Variants in LGALS8 observed in about 807,000 individuals in gnomAD.
The protein encoded by LGALS8 is galectin 8.
In LGALS8, 30 loss-of-function variants were observed where a neutral mutation model predicts 35.9. The observed-to-expected ratio is 0.83, with a 90% CI of 0.62 to 1.13. The LOEUF (loss-of-function observed/expected upper bound fraction) is 1.13, where lower values mean the gene tolerates loss of function less well. Ranked by LOEUF, LGALS8 falls within the 50% of genes most tolerant of loss-of-function variation. LGALS8 has a pLI of 0.00. For synonymous variants in LGALS8, 138 were observed against 136.1 expected (o/e 1.01, Z -0.10); for missense variants, 366 against 388.7 (o/e 0.94, Z 0.49).
Position 236,548,044 on chromosome 1 carries a change from G to T in LGALS8, c.837G>T (p.Lys279Asn), listed in dbSNP as rs137985369. The change falls in exon 10 of 10, where the codon AAG becomes AAT. Residue 279 changes from lysine to asparagine, a missense_variant. By Grantham distance (94) the Lys-to-Asn change is moderately conservative (BLOSUM62 0). Coordinates refer to ENST00000366584, the MANE Select transcript of LGALS8 (RefSeq NM_201544.4). ...MIIYCDVREF[K>N]VAVNGVHSLE... Reference sequence around the variant, plus strand: ...TTTATTGTGATGTTAGAGAATTCAAGGTTGCAGTAAATGGCGTACACAGCC... The same window carrying T: ...TTTATTGTGATGTTAGAGAATTCAATGTTGCAGTAAATGGCGTACACAGCC... 1.1e-4 allele frequency: 180 copies of T among 1,612,018 alleles called. No individual in the cohort carries two copies. The African/African-American group carries it at 2.1e-3, about 19-fold the overall frequency.
chr1:236,538,751 T>C (rs887997722), intron 3 of LGALS8, 128 bp from the exon 4 acceptor site: 12 of 684,958 alleles, frequency 1.8e-5, no homozygotes, highest in African/African-American at 1.6e-4. Flanking sequence ...TTAGGCCTCA[T>C]AGTGAATGAA....
chr1:236,527,824 C>T (rs948755677), intron 2 of LGALS8, among the ~76,000 whole-genome samples: 1 of 151,914 alleles, frequency 6.6e-6, no homozygotes, highest in Non-Finnish European at 1.5e-5. Context: ...CAATTTCTGC[C>T]TCCCGGGTTC....
intron 2 of LGALS8, among the ~76,000 whole-genome samples, chr1:236,528,772 C>T (rs1205221280): frequency 6.6e-6 from 1 of 151,900 alleles, no homozygotes; most frequent in African/African-American, 2.4e-5. Flanking sequence ...CCTCCCGCCT[C>T]GGCCTCCCAA....
chr1:236,535,060 CAAAAAA>C (rs5781893), intron 2 of LGALS8, among the ~76,000 whole-genome samples: 1 of 64,900 alleles, frequency 1.5e-5, no homozygotes, highest in African/African-American at 6.3e-5. Flanking sequence ...GACTCTGTCT[CAAAAAA>C]AAAAAAAAAA....
chr1:236,541,594 A>AGGTT (rs377507503), intron 5 of LGALS8, 60 bp from the exon 6 acceptor site: 1 of 107,740 alleles, frequency 9.3e-6, no homozygotes, highest in East Asian at 1.1e-4. Flanking sequence ...GTCAATATAA[A>AGGTT]ATATTTAGAA....
chr1:236,523,482 G>A (rs1660616983), upstream of LGALS8: 1 of 157,494 alleles, frequency 6.3e-6, no homozygotes, highest in Non-Finnish European at 1.4e-5. Context: ...GAAAACCCTG[G>A]CGTTGACCCC....
In LGALS8 at chr1:236,547,995, G is replaced by GTT; in HGVS notation, c.805-16_805-15insTT. On this transcript the variant is annotated splice_polypyrimidine_tract_variant and intron_variant, in intron 9 of 9. Coordinates refer to ENST00000366584, the MANE Select transcript of LGALS8 (RefSeq NM_201544.4). ...AACTAAGGGGAACCACTAATGGCAT[G>GTT]TATCCTTTCCTTTCAGATGATAATT... 1 of 1,604,680 alleles carries GTT rather than the reference G, an allele frequency of 6.2e-7. No individual in the cohort carries two copies. Among genetic ancestry groups the GTT allele is most frequent in the Non-Finnish European group, 8.5e-7 (1 of 1,172,628 alleles).
upstream of LGALS8, among the ~76,000 whole-genome samples, chr1:236,522,355 G>A (rs904535332): frequency 6.6e-6 from 1 of 152,162 alleles, no homozygotes; most frequent in Non-Finnish European, 1.5e-5. Flanking sequence ...TGTAATTTCA[G>A]CATTGTGGGA....
At chr1:236,521,457 C>A (rs1190476140), upstream of LGALS8, among the ~76,000 whole-genome samples, 1 of 152,142 alleles carries the variant, frequency 6.6e-6, no homozygotes, top group Non-Finnish European at 1.5e-5. Flanking sequence ...GAGATGAAAT[C>A]ACAGTGTGTG....
intron 7 of LGALS8, chr1:236,543,169 G>T: frequency 1.3e-6 from 1 of 790,268 alleles, no homozygotes; most frequent in South Asian, 1.6e-5. Flanking sequence ...TCCCTGGACG[G>T]ATTCGAGAGT....
At chr1:236,519,848 A>G (rs145421910), upstream of LGALS8, among the ~76,000 whole-genome samples, 1,088 of 152,158 alleles carry the variant, frequency 7.2e-3, 11 homozygotes, top group African/African-American at 0.024. Flanking sequence ...CTCACAGCCC[A>G]TTAGTGGGGC....
chr1:236,539,326 T>A (rs1661800802), intron 4 of LGALS8: 1 of 497,218 alleles, frequency 2.0e-6, no homozygotes, highest in Non-Finnish European at 3.7e-6. Flanking sequence ...CAGATCTTTT[T>A]ATTAGATCCT....
At chr1:236,545,344 G>A (rs2853609) in intron 9 of LGALS8, 93,829 of 153,424 alleles carry the variant, frequency 0.61, 29,608 homozygotes, top group Non-Finnish European at 0.69. Flanking sequence ...AGTCTTGTTT[G>A]TATGTATTCA....
At chr1:236,537,442 C>CT (rs759353333) in intron 2 of LGALS8, 55 bp from the exon 3 acceptor site, 1 of 1,075,868 alleles carries the variant, frequency 9.3e-7, no homozygotes. Flanking sequence ...GTTGTAATTG[C>CT]TTAGTAAGTA....
At chr1:236,524,241 C>T (rs1660676385) in intron 1 of LGALS8, 180 bp downstream of exon 1, 4 of 456,030 alleles carry the variant, frequency 8.8e-6, no homozygotes, top group Non-Finnish European at 1.8e-5. Context: ...AGAGCCGGGG[C>T]TGGGTGGCGG....
intron 9 of LGALS8, among the ~76,000 whole-genome samples, chr1:236,546,487 ACAAT>A (rs3831341): frequency 0.025 from 3,804 of 152,286 alleles, 130 homozygotes; most frequent in East Asian, 0.15. Context: ...TTTTTTAAAA[ACAAT>A]CTCATTCAGT....
chr1:236,542,671 C>A, intron 6 of LGALS8, 90 bp from the exon 7 acceptor site: 2 of 1,400,682 alleles, frequency 1.4e-6, no homozygotes, highest in South Asian at 1.2e-5. Context: ...AGGCTCCGGC[C>A]AGGCTCAGCT....
chr1:236,532,253 G>A (rs79501547), intron 2 of LGALS8, among the ~76,000 whole-genome samples: 4,380 of 152,236 alleles, frequency 0.029, 136 homozygotes, highest in East Asian at 0.14. Context: ...GGCCTGCCTC[G>A]TAAGGAGGCC....
Position 236,550,765 on chromosome 1 carries a change from G to T in LGALS8, c.*2604G>T. Reference sequence around the variant, plus strand: ...ACAAGCCAGGTGGGGATTTTGTAAAGAAGTGATAAAACATTTGTAAGTAAT... The same window carrying T: ...ACAAGCCAGGTGGGGATTTTGTAAATAAGTGATAAAACATTTGTAAGTAAT... On this transcript the variant is annotated 3_prime_UTR_variant, in exon 10 of 10. Transcript: ENST00000366584. 1 of 644,630 alleles carries T rather than the reference G, an allele frequency of 1.6e-6. No individual in the cohort carries two copies. Among genetic ancestry groups the T allele is most frequent in the Non-Finnish European group, 2.6e-6 (1 of 381,010 alleles). 39.9% of individuals were successfully genotyped at this position (644,630 alleles called of 1,614,324 possible). A position where few individuals can be genotyped will look rare whatever the true frequency, so the allele number is the denominator to read the frequency against.
Sources: gnomAD v4.1 joint callset for allele counts (sites outside exome capture counted in the v4.1 genomes callset) on GRCh38, gnomAD v4.1.1 for gene constraint, MANE v1.5 for transcripts, NCBI Gene and HGNC (gene_info 2026-07-23, HGNC 2026-07-21) for gene names.